ZFP90: variants seen among roughly 807,000 people sequenced by gnomAD.
ZFP90 encodes the protein ZFP90 zinc finger protein, also known as zinc finger protein 90 homolog.
A neutral mutation model predicts 60.8 loss-of-function variants in ZFP90; 38 were observed. That is an observed-to-expected ratio of 0.62 (90% confidence interval 0.48 to 0.82). The LOEUF is 0.82. Among genes scored for constraint, ZFP90 ranks in the 40% least tolerant of loss-of-function variants. The probability of loss-of-function intolerance (pLI) is 0.00; values close to 1 mark genes in which losing one functional copy is unlikely to be tolerated. For synonymous variants in ZFP90, 287 were observed against 264.8 expected (o/e 1.08, Z -0.82); for missense variants, 711 against 759.1 (o/e 0.94, Z 0.74).
At chr16:68,575,643 G>C in intron 2 of ZFP90, 1 of 383,522 alleles carries the variant, frequency 2.6e-6, no homozygotes. Context: ...ATAGATGAAG[G>C]TTAGTGATCA....
At chr16:68,553,951 CTGGTTGTAATGTGGAAAA>C (rs1246338753) in intron 2 of ZFP90, among the ~76,000 whole-genome samples, 1 of 152,008 alleles carries the variant, frequency 6.6e-6, no homozygotes, top group East Asian at 1.9e-4. Flanking sequence ...CAAGATCTCT[CTGGTTGTAATGTGGAAAA>C]TGGACTTGGG....
chr16:68,548,479 T>A (rs2091194887), intron 2 of ZFP90, among the ~76,000 whole-genome samples: 1 of 9,736 alleles, frequency 1.0e-4, no homozygotes, highest in African/African-American at 5.6e-4. Flanking sequence ...TCCTCCTTTT[T>A]TTTTTTTTTT....
intron 2 of ZFP90, among the ~76,000 whole-genome samples, chr16:68,557,463 A>G (rs1228561642): frequency 6.6e-6 from 1 of 152,162 alleles, no homozygotes; most frequent in Non-Finnish European, 1.5e-5. Context: ...AGCTAAATCA[A>G]AAAGTAAGTT....
chr16:68,564,341 T>C lies in ZFP90; in HGVS notation c.1554T>C (p.Ile518=). The change falls in exon 5 of 5, where the codon ATT becomes ATC. Residue 518 remains isoleucine, a synonymous_variant. Transcript: ENST00000563169. ...RSTSFIEHHR[I]HTGEKPYECN... Reference sequence around the variant, plus strand: ...CAAGTTTCATAGAGCATCACAGAATTCATACTGGAGAGAAACCCTATGAAT... The same window carrying C: ...CAAGTTTCATAGAGCATCACAGAATCCATACTGGAGAGAAACCCTATGAAT... 1 of 1,614,082 alleles carries C rather than the reference T, an allele frequency of 6.2e-7. No homozygotes were observed. Among genetic ancestry groups the C allele is most frequent in the Non-Finnish European group, 8.5e-7 (1 of 1,179,992 alleles).
At position 68,565,427 on chromosome 16, in the gene ZFP90, A is replaced by G. The variant is rs2091510513; in HGVS notation, c.*729A>G. ...ACACTTTGAGAATTCTTAAAAGTAT[A>G]AGTGGGAGCAAAATGTATGCAAATT... On this transcript the variant is annotated 3_prime_UTR_variant, in exon 5 of 5. Coordinates refer to ENST00000563169, the MANE Select transcript of ZFP90 (RefSeq NM_001305203.2). 6 of 985,608 alleles carry G rather than the reference A, an allele frequency of 6.1e-6. No homozygotes were observed. Among genetic ancestry groups the G allele is most frequent in the Non-Finnish European group, 7.2e-6 (6 of 829,938 alleles). 61.1% of individuals were successfully genotyped at this position (985,608 alleles called of 1,614,324 possible). A position where few individuals can be genotyped will look rare whatever the true frequency, so the allele number is the denominator to read the frequency against.
intron 2 of ZFP90, among the ~76,000 whole-genome samples, chr16:68,542,836 A>G (rs556683754): frequency 5.3e-5 from 8 of 152,340 alleles, no homozygotes; most frequent in East Asian, 1.9e-4. Flanking sequence ...ATTGAGCCCT[A>G]TGATGTGTCA....
chr16:68,561,278 T>A (rs907186316), intron 4 of ZFP90, among the ~76,000 whole-genome samples: 3 of 152,218 alleles, frequency 2.0e-5, no homozygotes, highest in Non-Finnish European at 4.4e-5. Context: ...ACTCCCTGAT[T>A]TAAAAGTTCC....
chr16:68,552,085 G>C (rs960831289), intron 2 of ZFP90, among the ~76,000 whole-genome samples: 1 of 151,970 alleles, frequency 6.6e-6, no homozygotes, highest in African/African-American at 2.4e-5. Flanking sequence ...AAAAGGGGTT[G>C]ATGATGAAGT....
chr16:68,562,944 CAG>C (rs751235754), intron 4 of ZFP90, 98 bp from the exon 5 acceptor site: 12 of 1,558,362 alleles, frequency 7.7e-6, no homozygotes, highest in African/African-American at 5.4e-5. Context: ...AATTTCAAAA[CAG>C]AGTCATATGT....
At chr16:68,539,730 G>T (rs943801651) in intron 1 of ZFP90, 28 bp from the exon 2 acceptor site, 99 of 1,508,608 alleles carry the variant, frequency 6.6e-5, no homozygotes, top group Non-Finnish European at 8.4e-5. Context: ...TTGCAGCGGG[G>T]TGAGTGGGCC....
chr16:68,542,768 T>C (rs1231112500), intron 2 of ZFP90, among the ~76,000 whole-genome samples: 1 of 152,162 alleles, frequency 6.6e-6, no homozygotes, highest in Non-Finnish European at 1.5e-5. Context: ...ACTTGTTCTT[T>C]TTGGCCTTGT....
upstream of ZFP90, among the ~76,000 whole-genome samples, chr16:68,535,146 ACTGGATTTATGTTTGATTCTGCCAGATGC>A (rs1210369930): frequency 1.3e-4 from 20 of 152,246 alleles, no homozygotes; most frequent in East Asian, 3.9e-3. Context: ...GTTCTCCCAG[ACTGGATTTATGTTTGATTCTGCCAGATGC>A]CTGGAAGCAC....
intron 2 of ZFP90, among the ~76,000 whole-genome samples, chr16:68,557,674 T>C (rs1260098751): frequency 6.6e-6 from 1 of 151,506 alleles, no homozygotes. Context: ...CTACCCACTG[T>C]ATTTGGATTT....
chr16:68,559,323 A>G (rs1277461191), intron 4 of ZFP90, among the ~76,000 whole-genome samples: 1 of 152,172 alleles, frequency 6.6e-6, no homozygotes, highest in African/African-American at 2.4e-5. Context: ...TATTAAATAC[A>G]TAAAATCTAA....
chr16:68,557,590 A>G (rs931714607), intron 2 of ZFP90, among the ~76,000 whole-genome samples: 3 of 151,852 alleles, frequency 2.0e-5, no homozygotes, highest in African/African-American at 7.3e-5. Context: ...GTATACACCA[A>G]ACTATTAAGA....
At chr16:68,575,360 A>C (rs967141830) in intron 2 of ZFP90, among the ~76,000 whole-genome samples, 10 of 152,116 alleles carry the variant, frequency 6.6e-5, no homozygotes, top group Admixed American at 6.6e-4. Context: ...TTATGCTGAC[A>C]ACTGAAGGGT....
chr16:68,550,128 TAATA>T (rs1473063880), intron 2 of ZFP90, among the ~76,000 whole-genome samples: 2 of 152,216 alleles, frequency 1.3e-5, no homozygotes, highest in Admixed American at 6.5e-5. Flanking sequence ...TTAATTTTAG[TAATA>T]AATATTATTT....
chr16:68,554,811 A>G (rs758839463), intron 2 of ZFP90, among the ~76,000 whole-genome samples: 7 of 152,114 alleles, frequency 4.6e-5, no homozygotes, highest in Non-Finnish European at 1.0e-4. Flanking sequence ...AACAAAATAA[A>G]CCAGGAGGCC....
At chr16:68,560,491 G>A (rs2091420590) in intron 4 of ZFP90, among the ~76,000 whole-genome samples, 1 of 152,006 alleles carries the variant, frequency 6.6e-6, no homozygotes, top group South Asian at 2.1e-4. Flanking sequence ...TCCATTGTAT[G>A]GATATATCAC....
Sources: gnomAD v4.1 joint callset for allele counts (sites outside exome capture counted in the v4.1 genomes callset) on GRCh38, gnomAD v4.1.1 for gene constraint, MANE v1.5 for transcripts, NCBI Gene and HGNC (gene_info 2026-07-23, HGNC 2026-07-21) for gene names.